The following CD74 variants were observed in gnomAD, a reference collection of about 807,000 sequenced individuals.
The protein encoded by CD74 is HLA class II histocompatibility antigen gamma chain.
CD74 carries 20 observed loss-of-function variants against 37.1 expected under a neutral mutation model. That is an observed-to-expected ratio of 0.54 (90% CI 0.38 to 0.78). CD74 has a LOEUF of 0.78. Ranked by LOEUF, CD74 falls within the 30% of genes least tolerant of loss-of-function variation. The pLI is 0.00. For missense variants in CD74, 338 were observed against 389.5 expected (o/e 0.87, Z 1.11); for synonymous variants, 150 against 152.0 (o/e 0.99, Z 0.10).
intron 1 of CD74, among the ~76,000 whole-genome samples, chr5:150,410,525 T>G (rs986329385): frequency 6.6e-6 from 1 of 152,084 alleles, no homozygotes; most frequent in African/African-American, 2.4e-5. Context: ...TAAATTACAC[T>G]CAGTGCAATT....
chr5:150,406,888 G>A lies in CD74; in HGVS notation c.371C>T (p.Pro124Leu), dbSNP rs1198240763. ...LMQALPMGAL[P>L]QGPMQNATKY... ...CCCTGGGGCTGTCCTTACCCCCTGG[G>A]GCAGGGCTCCCATGGGCAGCGCCTG... The change falls in exon 3 of 9, where the codon CCC becomes CTC. Residue 124 changes from proline to leucine, a missense_variant. Coordinates refer to ENST00000009530, the MANE Select transcript of CD74 (RefSeq NM_001025159.3). 5.3e-6 allele frequency: 8 copies of A among 1,506,846 alleles called. No homozygotes were observed. The highest frequency in any genetic ancestry group is 7.1e-6 in the Non-Finnish European group (8 of 1,132,090). The allele number at this position is 1,506,846 out of a possible 1,614,324, so 93.3% of individuals were successfully genotyped here.
At chr5:150,404,593 G>T in intron 6 of CD74, 87 bp downstream of exon 6, 1 of 720,798 alleles carries the variant, frequency 1.4e-6, no homozygotes, top group Non-Finnish European at 2.5e-6. Flanking sequence ...TGGGACCAGG[G>T]AGTGCTGGAG....
chr5:150,409,056 C>CA (rs948176524), intron 1 of CD74, among the ~76,000 whole-genome samples: 1 of 151,832 alleles, frequency 6.6e-6, no homozygotes, highest in African/African-American at 2.4e-5. Context: ...CCCGTCTCTA[C>CA]AAAAAAATAC....
At chr5:150,412,514 C>G in intron 1 of CD74, 111 bp downstream of exon 1, 1 of 826,644 alleles carries the variant, frequency 1.2e-6, no homozygotes, top group South Asian at 1.5e-5. Flanking sequence ...ATGTTAGAGT[C>G]AGAGCCTGAA....
At chr5:150,410,070 G>A (rs1442405090) in intron 1 of CD74, among the ~76,000 whole-genome samples, 1 of 141,450 alleles carries the variant, frequency 7.1e-6, no homozygotes, top group Admixed American at 7.0e-5. Context: ...GACGGTGGGC[G>A]GGGGGCGGGG....
chr5:150,407,550 G>A lies in CD74; in HGVS notation c.126-226C>T, dbSNP rs1468722273. Among the ~76,000 whole-genome samples, 1 of 152,110 alleles carries A rather than the reference G, an allele frequency of 6.6e-6. No homozygotes were observed. Among genetic ancestry groups the A allele is most frequent in the Non-Finnish European group, 1.5e-5 (1 of 68,022 alleles). On this transcript the variant is annotated intron_variant, in intron 1 of 8. Coordinates refer to ENST00000009530, the MANE Select transcript of CD74 (RefSeq NM_001025159.3). This position sits in a 1 kb window ranked among gnomAD's most constrained non-coding sequence, Gnocchi z 4.4. ...CATCGATGTGCCTGAAGTCTTCCCT[G>A]GCAGAGACCCTGCAGCTGCCACGGG...
In CD74 at chr5:150,405,051, AAG is replaced by A. The variant is rs764580139; in HGVS notation, c.537+32_537+33del. 36 of 1,587,560 alleles carry A rather than the reference AAG, an allele frequency of 2.3e-5. 1 individual carries two copies. Among genetic ancestry groups the A allele is most frequent in the Middle Eastern group, 3.3e-4 (2 of 6,008 alleles). Reference sequence around the variant, plus strand: ...TAGCCCTGCCCTAGACACCAGAGGAAAGAGAGAGTTCCCATGCAGGGAAACCT... The same window carrying A: ...TAGCCCTGCCCTAGACACCAGAGGAAAGAGAGTTCCCATGCAGGGAAACCT... On this transcript the variant is annotated intron_variant, in intron 5 of 8. Transcript: ENST00000009530.
chr5:150,406,082 T>C (rs1769944189), intron 4 of CD74, 177 bp downstream of exon 4: 1 of 570,660 alleles, frequency 1.8e-6, no homozygotes, highest in African/African-American at 1.9e-5. Context: ...AGCCTGTTTA[T>C]CTCAAAAATG....
chr5:150,412,100 G>A (rs1357322442), intron 1 of CD74, among the ~76,000 whole-genome samples: 1 of 152,214 alleles, frequency 6.6e-6, no homozygotes, highest in Non-Finnish European at 1.5e-5. Context: ...AAGTAGGTGG[G>A]ATTACAGGTG....
chr5:150,411,974 ATTTT>A (rs891928818), intron 1 of CD74, among the ~76,000 whole-genome samples: 35 of 151,912 alleles, frequency 2.3e-4, no homozygotes, highest in African/African-American at 8.4e-4. Flanking sequence ...TTATTTATTT[ATTTT>A]TTTTGAGACA....
At chr5:150,412,504 AT>A (rs1384740843) in intron 1 of CD74, 120 bp downstream of exon 1, 2 of 760,332 alleles carry the variant, frequency 2.6e-6, no homozygotes, top group Non-Finnish European at 4.4e-6. Context: ...CAAAAAGTCA[AT>A]GTTAGAGTCA....
At chr5:150,411,999 G>C (rs1171735621) in intron 1 of CD74, among the ~76,000 whole-genome samples, 1 of 152,154 alleles carries the variant, frequency 6.6e-6, no homozygotes, top group Non-Finnish European at 1.5e-5. Flanking sequence ...GAGTGTCACT[G>C]TGTCACCCAG....
In CD74 at chr5:150,403,156, G is replaced by C. The variant is rs2151169727; in HGVS notation, c.782C>G (p.Pro261Arg). Residue 261 changes from proline to arginine, a missense_variant, in exon 7 of 9, where the codon CCC (proline) becomes CGC (arginine). By Grantham distance (103) the Pro-to-Arg change is moderately radical. Coordinates refer to ENST00000009530, the MANE Select transcript of CD74 (RefSeq NM_001025159.3). The surrounding 1 kb of genome is among the most constrained non-coding windows in gnomAD (Gnocchi z 4.5). The stretch of plus-strand genomic sequence containing the variant: ...ATGGTGCCCGCGGCTTCTGGTGTTG[G>C]GGACCTCCGTGCCGTTGGGGAAGAC... ...WCVFPNGTEV[P>R]NTRSRGHHNC... The C allele has an allele frequency of 6.2e-7, 1 of 1,613,968 alleles. No individual in the cohort carries two copies. The highest frequency in any genetic ancestry group is 8.5e-7 in the Non-Finnish European group (1 of 1,179,874).
At chr5:150,409,719 A>C (rs1162097782) in intron 1 of CD74, among the ~76,000 whole-genome samples, 2 of 150,176 alleles carry the variant, frequency 1.3e-5, no homozygotes, top group African/African-American at 2.4e-5. Flanking sequence ...AAAAAAAAAA[A>C]AAACAAGAAA....
At position 150,403,164 on chromosome 5, in the gene CD74, C is replaced by T. The variant is rs752552861; in HGVS notation, c.774G>A (p.Thr258=). Residue 258 remains threonine, a synonymous_variant, in exon 7 of 9, where the codon ACG becomes ACA. Coordinates refer to ENST00000009530, the MANE Select transcript of CD74 (RefSeq NM_001025159.3). The surrounding 1 kb of genome is among the most constrained non-coding windows in gnomAD (Gnocchi z 4.5). ...GYCWCVFPNG[T]EVPNTRSRGH... ...CGCGGCTTCTGGTGTTGGGGACCTC[C>T]GTGCCGTTGGGGAAGACACACCAGC... 1.8e-5 allele frequency: 29 copies of T among 1,613,894 alleles called. No homozygotes were observed. The highest frequency in any genetic ancestry group is 4.5e-5 in the East Asian group (2 of 44,894).
chr5:150,401,714 A>C lies in CD74; in HGVS notation c.*526T>G. 7.0e-6 allele frequency: 4 copies of C among 568,920 alleles called. No homozygotes were observed. The highest frequency in any genetic ancestry group is 1.3e-5 in the Non-Finnish European group (4 of 318,328). The allele number at this position is 568,920 out of a possible 1,614,324, so 35.2% of individuals were successfully genotyped here. A position where few individuals can be genotyped will look rare whatever the true frequency, so the allele number is the denominator to read the frequency against. On this transcript the variant is annotated 3_prime_UTR_variant, in exon 9 of 9. Coordinates refer to ENST00000009530, the MANE Select transcript of CD74 (RefSeq NM_001025159.3). ...TAACAAGCTTGGCTGAGCAGAGGGA[A>C]CTAGGGGTCGGCAGAAAGGATTATG...
intron 5 of CD74, 47 bp downstream of exon 5, chr5:150,405,038 A>G (rs1349815968): frequency 2.6e-6 from 4 of 1,557,548 alleles, no homozygotes; most frequent in East Asian, 2.2e-5. Flanking sequence ...GCCCTGCCCT[A>G]GACACCAGAG....
chr5:150,402,315 A>C lies in CD74; in HGVS notation c.881-65T>G, dbSNP rs2151166207. ...TTTGTTGTCCCTGCCCCTTTCTAAC[A>C]TCCTGGACCTGCAGAGCAGTTAAGG... On this transcript the variant is annotated intron_variant, in intron 8 of 8. Coordinates refer to ENST00000009530, the MANE Select transcript of CD74 (RefSeq NM_001025159.3). The surrounding 1 kb of genome is among the most constrained non-coding windows in gnomAD (Gnocchi z 4.2). The C allele has an allele frequency of 8.1e-7, 1 of 1,235,282 alleles. No individual in the cohort carries two copies. Among genetic ancestry groups the C allele is most frequent in the Non-Finnish European group, 1.2e-6 (1 of 852,366 alleles). 76.5% of individuals were successfully genotyped at this position (1,235,282 alleles called of 1,614,324 possible).
chr5:150,406,222 G>A, intron 4 of CD74, 37 bp downstream of exon 4: 1 of 1,566,402 alleles, frequency 6.4e-7, no homozygotes, highest in Non-Finnish European at 8.8e-7. Context: ...GTCCTGGGTG[G>A]GCAGGCAGGA....
Sources: allele counts gnomAD v4.1 joint callset (sites outside exome capture counted in the v4.1 genomes callset), GRCh38; gene constraint gnomAD v4.1.1; non-coding constraint Gnocchi (gnomAD v3.1); transcripts MANE v1.5; gene names NCBI Gene and HGNC (gene_info 2026-07-23, HGNC 2026-07-21).